TNRC6B: variants seen among roughly 807,000 people sequenced by gnomAD.
The protein encoded by TNRC6B is trinucleotide repeat-containing gene 6B protein.
In TNRC6B, 52 loss-of-function variants were observed where a neutral mutation model predicts 203.6. The ratio of observed to expected loss-of-function variants is 0.26; its 90% CI spans 0.20 to 0.32. The LOEUF (loss-of-function observed/expected upper bound fraction) is 0.32. Among genes scored for constraint, TNRC6B ranks in the 10% least tolerant of loss-of-function variants. TNRC6B has a pLI of 1.00. For missense variants in TNRC6B, 1,923 were observed against 2,286.2 expected (o/e 0.84, Z 3.24); for synonymous variants, 838 against 845.7 (o/e 0.99, Z 0.16).
chr22:40,214,308 C>A (rs2069604482), intron 1 of TNRC6B, among the ~76,000 whole-genome samples: 1 of 151,790 alleles, frequency 6.6e-6, no homozygotes, highest in South Asian at 2.1e-4. Context: ...CATGAGGGAT[C>A]CTTGTGATGG....
intron 3 of TNRC6B, among the ~76,000 whole-genome samples, chr22:40,143,053 G>A (rs1012864667): frequency 6.6e-6 from 1 of 152,178 alleles, no homozygotes; most frequent in Non-Finnish European, 1.5e-5. Flanking sequence ...CATGCAAAAA[G>A]CACTAACTGT....
Position 40,265,693 on chromosome 22 carries a change from C to T in TNRC6B, c.1463C>T (p.Pro488Leu). 6 of 1,613,932 alleles carry T rather than the reference C, an allele frequency of 3.7e-6. No homozygotes were observed. The highest frequency in any genetic ancestry group is 4.2e-6 in the Non-Finnish European group (5 of 1,179,880). Residue 488 changes from proline (P) to leucine (L), a missense_variant, in exon 5 of 23, where the codon CCC (proline) becomes CTC (leucine). By Grantham distance (98) the Pro-to-Leu change is moderately conservative. Around this residue, in one of 8 missense-constraint regions of TNRC6B, gnomAD observed 614 missense variants for 587.7 expected, o/e 1.04. Transcript: ENST00000454349. ...ACGGGTGGGTCCTGGAACTTTGGCCCCCAGGACTCTAATGACAACAAATGG... is the reference window on the plus strand; with the variant it reads ...ACGGGTGGGTCCTGGAACTTTGGCCTCCAGGACTCTAATGACAACAAATGG... The part of the protein sequence containing the change: ...RSTGGSWNFG[P>L]QDSNDNKWGE...
intron 1 of TNRC6B, among the ~76,000 whole-genome samples, chr22:40,089,323 C>T (rs2068129062): frequency 6.6e-6 from 1 of 152,104 alleles, no homozygotes; most frequent in Admixed American, 6.5e-5. Flanking sequence ...ACCTCCGCCT[C>T]CCGTGTTCAA....
At chr22:40,096,930 C>T (rs780593068) in intron 1 of TNRC6B, among the ~76,000 whole-genome samples, 1 of 152,182 alleles carries the variant, frequency 6.6e-6, no homozygotes, top group African/African-American at 2.4e-5. Flanking sequence ...ATGACAAAAG[C>T]TTTGCAAATG....
At chr22:40,121,052 G>T (rs1470952158) in intron 2 of TNRC6B, among the ~76,000 whole-genome samples, 2 of 152,192 alleles carry the variant, frequency 1.3e-5, no homozygotes, top group East Asian at 3.8e-4. Flanking sequence ...GGGATACAAG[G>T]CCAGGAATAT....
intron 1 of TNRC6B, among the ~76,000 whole-genome samples, chr22:40,095,978 C>A (rs1169294750): frequency 6.6e-6 from 1 of 152,062 alleles, no homozygotes; most frequent in Non-Finnish European, 1.5e-5. Context: ...TAGCCTAGGC[C>A]TTCTAAGCAG....
At chr22:40,110,299 A>G (rs1462171590) in intron 1 of TNRC6B, among the ~76,000 whole-genome samples, 1 of 152,206 alleles carries the variant, frequency 6.6e-6, no homozygotes, top group Non-Finnish European at 1.5e-5. Flanking sequence ...CTTAATTCTT[A>G]TGTGACCAAC....
intron 1 of TNRC6B, among the ~76,000 whole-genome samples, chr22:40,220,053 T>C (rs912527230): frequency 1.3e-5 from 2 of 152,200 alleles, no homozygotes; most frequent in African/African-American, 4.8e-5. Flanking sequence ...GATATTTTAT[T>C]AGCAACAAAT....
At chr22:40,109,250 G>C (rs1052208098) in intron 1 of TNRC6B, among the ~76,000 whole-genome samples, 1 of 152,148 alleles carries the variant, frequency 6.6e-6, no homozygotes, top group African/African-American at 2.4e-5. Flanking sequence ...ACATACGCGT[G>C]TATGTATCTT....
chr22:40,085,746 T>C (rs2068094713), intron 1 of TNRC6B, among the ~76,000 whole-genome samples: 1 of 152,224 alleles, frequency 6.6e-6, no homozygotes, highest in Non-Finnish European at 1.5e-5. Context: ...TTAACAGCTA[T>C]TGAAGAGCAA....
chr22:40,315,216 CAT>C (rs1298486336), intron 19 of TNRC6B, 65 bp from the exon 20 acceptor site: 53 of 1,273,942 alleles, frequency 4.2e-5, no homozygotes, highest in Middle Eastern at 1.9e-4. Flanking sequence ...AGATAAAACT[CAT>C]GTGTATTTGT....
chr22:40,284,527 T>C (rs1013251884), intron 11 of TNRC6B, among the ~76,000 whole-genome samples: 1 of 152,188 alleles, frequency 6.6e-6, no homozygotes, highest in Non-Finnish European at 1.5e-5. Context: ...GTGTGTGGAA[T>C]TGGTGGGTCA....
chr22:40,174,239 T>G (rs1293262848), upstream of TNRC6B, among the ~76,000 whole-genome samples: 1 of 152,014 alleles, frequency 6.6e-6, no homozygotes, highest in Non-Finnish European at 1.5e-5. Flanking sequence ...CCTTGCTCAC[T>G]GCAGCTCACT....
chr22:40,132,945 A>AAAAT (rs1293411636), intron 3 of TNRC6B, among the ~76,000 whole-genome samples: 4 of 13,482 alleles, frequency 3.0e-4, no homozygotes, highest in African/African-American at 6.3e-4. Flanking sequence ...CTCTGTCTCA[A>AAAAT]AAAAAAAAAA....
At chr22:40,251,109 A>G (rs368182715) in intron 2 of TNRC6B, 70 bp from the exon 3 acceptor site, 35 of 1,342,752 alleles carry the variant, frequency 2.6e-5, no homozygotes, top group Non-Finnish European at 3.4e-5. Context: ...TTATCAGACT[A>G]AAGTAGTCTG....
intron 1 of TNRC6B, chr22:40,045,100 CGGCGCGGCCCGGGGCGGTGAGCGGA>C (rs1569241621): frequency 6.9e-6 from 1 of 144,328 alleles, no homozygotes; most frequent in Admixed American, 6.8e-5. Flanking sequence ...CGGGGGCGCG[CGGCGCGGCCCGGGGCGGTGAGCGGA>C]GGCGCGGCGT....
Position 40,332,515 on chromosome 22 carries a change from C to T in TNRC6B, c.*9274C>T, listed in dbSNP as rs2043993226. On this transcript the variant is annotated 3_prime_UTR_variant, in exon 23 of 23. Coordinates refer to ENST00000454349, the MANE Select transcript of TNRC6B (RefSeq NM_001162501.2). ...TATCGTAAGCGAGAGATTGTTCTGC[C>T]TATATTCAGTGTTTTCCATGCAGCA... 6.6e-6 allele frequency: 1 copy of T among 152,290 alleles called. No homozygotes were observed. The highest frequency in any genetic ancestry group is 1.5e-5 in the Non-Finnish European group (1 of 67,928). The allele number at this position is 152,290 out of a possible 1,614,324, so 9.4% of individuals were successfully genotyped here. A position where few individuals can be genotyped will look rare whatever the true frequency, so the allele number is the denominator to read the frequency against.
chr22:40,076,626 C>G (rs1420259567), intron 1 of TNRC6B, among the ~76,000 whole-genome samples: 1 of 152,142 alleles, frequency 6.6e-6, no homozygotes, highest in African/African-American at 2.4e-5. Context: ...TAGTCTTGAA[C>G]TCTTGGCCTC....
rs1469457522 is a variant in TNRC6B, at chr22:40,051,456, T to C, written c.-121+6458T>C. On this transcript the variant is annotated intron_variant, in intron 1 of 23. Transcript: ENST00000301923. ...CAGCATGGGGCTTCTAAAGACGTTG[T>C]ATACTTTCCAGCTGAGCCTACTTAC... Among the ~76,000 whole-genome samples, 9 of 152,362 alleles carry C rather than the reference T, an allele frequency of 5.9e-5. No individual in the cohort carries two copies. The South Asian group carries it at 1.9e-3, about 32-fold the overall frequency.
Sources: gnomAD v4.1 joint callset for allele counts (sites outside exome capture counted in the v4.1 genomes callset) on GRCh38, gnomAD v4.1.1 for gene constraint, gnomAD v4.1.1 regional missense constraint, MANE v1.5 for transcripts, NCBI Gene and HGNC (gene_info 2026-07-23, HGNC 2026-07-21) for gene names.